ORC5: variants seen among roughly 807,000 people sequenced by gnomAD.
ORC5 encodes the protein origin recognition complex subunit 5.
A neutral mutation model predicts 58.8 loss-of-function variants in ORC5; 39 were observed. The observed-to-expected ratio is 0.66, with a 90% CI of 0.51 to 0.87. The LOEUF (loss-of-function observed/expected upper bound fraction) is 0.87. ORC5 is among the 40% of genes least tolerant of loss of function. The pLI, the probability that ORC5 is intolerant of heterozygous loss-of-function variation, is 0.00. For missense variants in ORC5, 493 were observed against 506.3 expected (o/e 0.97, Z 0.25); for synonymous variants, 218 against 177.6 (o/e 1.23, Z -1.81).
At chr7:104,157,346 T>TAA (rs1309007640) in intron 12 of ORC5, among the ~76,000 whole-genome samples, 1 of 152,022 alleles carries the variant, frequency 6.6e-6, no homozygotes, top group Non-Finnish European at 1.5e-5. Context: ...CCAATGAGAA[T>TAA]AACTAAGATT....
At position 104,135,149 on chromosome 7, in the gene ORC5, T is replaced by G. The variant is rs145225505; in HGVS notation, c.1262+1632A>C. ...AACCCACAAACTTCTGTTTTGCACA[T>G]GATTATACTGGGGCACAACCTAACA... is the stretch of plus-strand genomic sequence containing the variant. On this transcript the variant is annotated intron_variant, in intron 13 of 13. Transcript: ENST00000297431. 4.5e-3 allele frequency among the ~76,000 whole-genome samples: 687 copies of G among 152,272 alleles called. 8 individuals carry two copies. The highest frequency in any genetic ancestry group is 0.014 in the Middle Eastern group (4 of 294).
chr7:104,171,630 T>C (rs1362806761), intron 8 of ORC5, among the ~76,000 whole-genome samples: 3 of 152,084 alleles, frequency 2.0e-5, no homozygotes, highest in Non-Finnish European at 4.4e-5. Context: ...TTGTCTCTCC[T>C]CAAAACAGTA....
chr7:104,183,222 C>A lies in ORC5; in HGVS notation c.824+721G>T, dbSNP rs57559980. Among the ~76,000 whole-genome samples the A allele has an allele frequency of 3.9e-4, 59 of 152,202 alleles. 1 individual carries two copies. The highest frequency in any genetic ancestry group is 9.2e-4 in the Admixed American group (14 of 15,296). Reference sequence around the variant, plus strand: ...AATGATAGCCAACACCTATGGAACACACAAAATTAACTTAACAACGGACTC... The same window carrying A: ...AATGATAGCCAACACCTATGGAACAAACAAAATTAACTTAACAACGGACTC... On this transcript the variant is annotated intron_variant, in intron 8 of 13. Coordinates refer to ENST00000297431, the MANE Select transcript of ORC5 (RefSeq NM_002553.4).
At chr7:104,201,686 G>A (rs1425398160) in intron 2 of ORC5, among the ~76,000 whole-genome samples, 1 of 150,088 alleles carries the variant, frequency 6.7e-6, no homozygotes. Flanking sequence ...AATCTTAATA[G>A]GAATTTCACA....
chr7:104,144,330 AAATT>A (rs1735377443), intron 12 of ORC5, among the ~76,000 whole-genome samples: 3 of 152,324 alleles, frequency 2.0e-5, no homozygotes, highest in Admixed American at 1.3e-4. Flanking sequence ...AAAACTTTAA[AAATT>A]ATTTCTATAT....
intron 12 of ORC5, among the ~76,000 whole-genome samples, chr7:104,156,206 C>A (rs1489873186): frequency 6.6e-6 from 1 of 151,098 alleles, no homozygotes; most frequent in East Asian, 1.9e-4. Flanking sequence ...ATAATGACTG[C>A]AAAATTGTAC....
intron 12 of ORC5, among the ~76,000 whole-genome samples, chr7:104,142,303 G>GA (rs1407732628): frequency 1.3e-5 from 2 of 152,008 alleles, no homozygotes; most frequent in Non-Finnish European, 1.5e-5. Context: ...TAAACGTAGG[G>GA]AAAAAAACTC....
intron 12 of ORC5, among the ~76,000 whole-genome samples, chr7:104,159,311 A>G (rs1798984610): frequency 9.7e-6 from 1 of 103,216 alleles, no homozygotes; most frequent in Non-Finnish European, 1.8e-5. Context: ...GGAACATCAC[A>G]CTCTGGGGAC....
intron 2 of ORC5, chr7:104,202,423 C>T: frequency 7.7e-6 from 3 of 391,224 alleles, no homozygotes; most frequent in Non-Finnish European, 1.0e-5. Flanking sequence ...CTCTCTCACT[C>T]CTTTACTGTC....
intron 12 of ORC5, among the ~76,000 whole-genome samples, chr7:104,153,431 C>T (rs1379969380): frequency 1.3e-5 from 2 of 152,054 alleles, no homozygotes; most frequent in Non-Finnish European, 2.9e-5. Flanking sequence ...TCTTCATCAG[C>T]GAAGTAGGCA....
At chr7:104,170,775 C>T (rs368998055) in intron 8 of ORC5, among the ~76,000 whole-genome samples, 2 of 152,146 alleles carry the variant, frequency 1.3e-5, no homozygotes, top group East Asian at 1.9e-4. Context: ...ATTTCTGGAA[C>T]GTTTTCTTGG....
At chr7:104,149,902 T>G (rs569436370) in intron 12 of ORC5, among the ~76,000 whole-genome samples, 44 of 152,348 alleles carry the variant, frequency 2.9e-4, no homozygotes, top group African/African-American at 1.0e-3. Flanking sequence ...TCTTTCTGTG[T>G]ACAATATTTT....
At chr7:104,196,963 C>G (rs1038526952) in intron 4 of ORC5, among the ~76,000 whole-genome samples, 1 of 152,120 alleles carries the variant, frequency 6.6e-6, no homozygotes, top group Non-Finnish European at 1.5e-5. Context: ...CAAACTATTA[C>G]AAAACCCTGT....
chr7:104,203,524 T>C (rs149485966), intron 2 of ORC5, among the ~76,000 whole-genome samples: 46 of 152,362 alleles, frequency 3.0e-4, no homozygotes, highest in Non-Finnish European at 6.3e-4. Flanking sequence ...CACTATGTAC[T>C]GCAGAAAGCA....
chr7:104,159,836 A>C (rs1798994720), intron 12 of ORC5, among the ~76,000 whole-genome samples: 1 of 152,180 alleles, frequency 6.6e-6, no homozygotes, highest in Non-Finnish European at 1.5e-5. Flanking sequence ...AATACCTGCT[A>C]ATCTAGAGTT....
intron 13 of ORC5, among the ~76,000 whole-genome samples, 165 bp from the exon 14 acceptor site, chr7:104,127,058 T>C (rs1798439834): frequency 6.6e-6 from 1 of 152,142 alleles, no homozygotes; most frequent in East Asian, 1.9e-4. Flanking sequence ...TAAAATGTTA[T>C]TAGGAACACA....
intron 12 of ORC5, among the ~76,000 whole-genome samples, chr7:104,158,305 C>G (rs1372857041): frequency 6.6e-6 from 1 of 152,110 alleles, no homozygotes; most frequent in African/African-American, 2.4e-5. Context: ...CCCTTCCTTA[C>G]ACCTTATACA....
chr7:104,136,046 A>C lies in ORC5; in HGVS notation c.1262+735T>G, dbSNP rs1798583011. On this transcript the variant is annotated intron_variant, in intron 13 of 13. Transcript: ENST00000297431. This position sits in a 1 kb window ranked among gnomAD's most constrained non-coding sequence, Gnocchi z 4.2. The stretch of plus-strand genomic sequence containing the variant: ...ACACTAAGAACACCTCTTTGTAAGG[A>C]AACTTGTATTTTTAGACAGCTTTCA... Among the ~76,000 whole-genome samples the C allele has an allele frequency of 6.6e-6, 1 of 152,154 alleles. No individual in the cohort carries two copies. The highest frequency in any genetic ancestry group is 1.5e-5 in the Non-Finnish European group (1 of 68,024).
At position 104,126,841 on chromosome 7, in the gene ORC5, C is replaced by T. The variant is rs1336862840; in HGVS notation, c.*7G>A. On this transcript the variant is annotated 3_prime_UTR_variant, in exon 14 of 14. Transcript: ENST00000297431. ...TCACAGTGTCCATATGGCTTTGAAG[C>T]TTGTTTTCACAAGAAATCATACAAG... 6.2e-7 allele frequency: 1 copy of T among 1,602,884 alleles called. No homozygotes were observed. Among genetic ancestry groups the T allele is most frequent in the Non-Finnish European group, 8.5e-7 (1 of 1,172,492 alleles).
Sources: allele counts gnomAD v4.1 joint callset (sites outside exome capture counted in the v4.1 genomes callset), GRCh38; gene constraint gnomAD v4.1.1; non-coding constraint Gnocchi (gnomAD v3.1); transcripts MANE v1.5; gene names NCBI Gene and HGNC (gene_info 2026-07-23, HGNC 2026-07-21).